Variants in GALNTL6 observed in about 807,000 individuals in gnomAD.
The protein encoded by GALNTL6 is polypeptide N-acetylgalactosaminyltransferase like 6, also known as polypeptide N-acetylgalactosaminyltransferase-like 6.
In GALNTL6, 46 loss-of-function variants were observed where a neutral mutation model predicts 73.7. That is an observed-to-expected ratio of 0.62 (90% CI 0.49 to 0.80). GALNTL6 has a LOEUF of 0.80. GALNTL6 is among the 30% of genes least tolerant of loss of function. GALNTL6 has a pLI of 0.00. For synonymous variants in GALNTL6, 259 were observed against 263.7 expected (o/e 0.98, Z 0.17); for missense variants, 604 against 755.0 (o/e 0.80, Z 2.34).
chr4:172,215,042 A>G (rs568588102), intron 2 of GALNTL6, among the ~76,000 whole-genome samples: 114 of 147,548 alleles, frequency 7.7e-4, no homozygotes, highest in African/African-American at 2.7e-3. Context: ...GAAATGTGTT[A>G]TATAATCTCC....
At chr4:172,364,460 T>G (rs545769700) in intron 5 of GALNTL6, among the ~76,000 whole-genome samples, 74 of 152,212 alleles carry the variant, frequency 4.9e-4, no homozygotes, top group African/African-American at 1.7e-3. Context: ...CATCAGAACC[T>G]ATCTAGCACC....
intron 2 of GALNTL6, among the ~76,000 whole-genome samples, chr4:172,026,248 C>G (rs867898660): frequency 1.3e-5 from 2 of 152,020 alleles, no homozygotes; most frequent in South Asian, 4.1e-4. Flanking sequence ...TATTTTTATG[C>G]TATTCTAGTT....
chr4:172,177,791 A>ATATATATACACACATATATGTGTGTG (rs1735075092), intron 2 of GALNTL6, among the ~76,000 whole-genome samples: 6 of 101,730 alleles, frequency 5.9e-5, no homozygotes, highest in East Asian at 3.9e-4. Context: ...ACACATGTGT[A>ATATATATACACACATATATGTGTGTG]TATATATACA....
At chr4:172,411,831 T>G (rs1255004154) in intron 5 of GALNTL6, among the ~76,000 whole-genome samples, 1 of 152,092 alleles carries the variant, frequency 6.6e-6, no homozygotes. Context: ...GCCAGTTGCT[T>G]TATAGGCCCT....
intron 3 of GALNTL6, among the ~76,000 whole-genome samples, chr4:172,285,888 CA>C (rs1579333516): frequency 1.3e-5 from 2 of 152,298 alleles, no homozygotes; most frequent in East Asian, 3.9e-4. Context: ...TTGCCTTTAA[CA>C]TTTGTCAAAG....
In GALNTL6 at chr4:171,814,680, A is replaced by G. The variant is rs767600324; in HGVS notation, c.100A>G (p.Lys34Glu). The G allele has an allele frequency of 6.2e-7, 1 of 1,614,098 alleles. No homozygotes were observed. The highest frequency in any genetic ancestry group is 8.5e-7 in the Non-Finnish European group (1 of 1,180,004). The stretch of plus-strand genomic sequence containing the variant: ...TGGTCTCTGGTCTCTGTACAAGGAT[A>G]AGCACCTGGTGAAGTCAGCGGAGCC... ...NVGLWSLYKD[K>E]HLVKSAEPGE... The change falls in exon 2 of 13, where the codon AAG (lysine) becomes GAG (glutamate). Residue 34 changes from lysine to glutamate, a missense_variant. By Grantham distance (56) the Lys-to-Glu change is moderately conservative. Coordinates refer to ENST00000506823, the MANE Select transcript of GALNTL6 (RefSeq NM_001034845.3).
intron 7 of GALNTL6, among the ~76,000 whole-genome samples, chr4:172,824,604 T>C (rs763173415): frequency 5.9e-4 from 90 of 152,082 alleles, no homozygotes; most frequent in Non-Finnish European, 9.1e-4. Flanking sequence ...TGGATACATA[T>C]AAATAATAGG....
At chr4:172,752,913 GAGATGATATA>G (rs1737511506) in intron 5 of GALNTL6, among the ~76,000 whole-genome samples, 1 of 152,004 alleles carries the variant, frequency 6.6e-6, no homozygotes, top group South Asian at 2.1e-4. Flanking sequence ...TTTCAAAACT[GAGATGATATA>G]CTCAATTTAG....
intron 4 of GALNTL6, 51 bp downstream of exon 4, chr4:172,311,803 T>C (rs1740373636): frequency 7.6e-7 from 1 of 1,320,384 alleles, no homozygotes; most frequent in Non-Finnish European, 1.0e-6. Context: ...GTTTTTTTTG[T>C]CCTTTGATTT....
intron 5 of GALNTL6, among the ~76,000 whole-genome samples, chr4:172,360,471 A>G (rs940901455): frequency 2.1e-5 from 3 of 143,502 alleles, no homozygotes; most frequent in Non-Finnish European, 4.5e-5. Flanking sequence ...TACATAAAAA[A>G]TGTTAAAAGA....
intron 5 of GALNTL6, among the ~76,000 whole-genome samples, chr4:172,771,727 T>C (rs563439385): frequency 1.3e-4 from 20 of 152,322 alleles, no homozygotes; most frequent in African/African-American, 4.8e-4. Flanking sequence ...TTCTGGGCCC[T>C]TCCCAGACCT....
intron 5 of GALNTL6, among the ~76,000 whole-genome samples, chr4:172,417,330 T>C (rs1730881666): frequency 6.6e-6 from 1 of 152,206 alleles, no homozygotes; most frequent in African/African-American, 2.4e-5. Context: ...ATGCACAGAA[T>C]TCAAGCCTAA....
chr4:172,454,552 T>C (rs1732323118), intron 5 of GALNTL6, among the ~76,000 whole-genome samples: 1 of 152,256 alleles, frequency 6.6e-6, no homozygotes, highest in Non-Finnish European at 1.5e-5. Context: ...ATCCATCTCC[T>C]GTACTTGCAG....
intron 5 of GALNTL6, among the ~76,000 whole-genome samples, chr4:172,659,149 T>C (rs916741171): frequency 6.6e-5 from 10 of 152,228 alleles, no homozygotes; most frequent in African/African-American, 2.4e-4. Context: ...AGGCATAAGT[T>C]TCACAGAGAG....
chr4:172,721,819 TTA>T (rs1197224741), intron 5 of GALNTL6, among the ~76,000 whole-genome samples: 1 of 152,154 alleles, frequency 6.6e-6, no homozygotes, highest in African/African-American at 2.4e-5. Flanking sequence ...CTACTTCTCG[TTA>T]TGTCTAATCA....
rs1407784083 is a variant in GALNTL6, at chr4:172,451,825, G to A, written c.553+103136G>A. 2.0e-5 allele frequency among the ~76,000 whole-genome samples: 3 copies of A among 152,046 alleles called. No individual in the cohort carries two copies. In the East Asian group the frequency reaches 5.8e-4, roughly 29 times the overall value. On this transcript the variant is annotated intron_variant, in intron 5 of 12. Transcript: ENST00000506823. ...GTTCAAGACCAGCCTGGGAAACATG[G>A]AGAGACCCAGTCTCTATAAAAATGA... is the stretch of plus-strand genomic sequence containing the variant.
intron 2 of GALNTL6, among the ~76,000 whole-genome samples, chr4:171,916,675 G>A (rs945154635): frequency 6.6e-6 from 1 of 152,022 alleles, no homozygotes; most frequent in Non-Finnish European, 1.5e-5. Context: ...TATGTATTTT[G>A]AATGCATTTC....
chr4:172,046,332 T>G (rs918920357), intron 2 of GALNTL6, among the ~76,000 whole-genome samples: 4 of 152,136 alleles, frequency 2.6e-5, no homozygotes, highest in African/African-American at 9.7e-5. Flanking sequence ...TACTTTAAGT[T>G]CTGGGGTACA....
chr4:171,843,309 T>C (rs1429180152), intron 2 of GALNTL6, among the ~76,000 whole-genome samples: 1 of 151,950 alleles, frequency 6.6e-6, no homozygotes, highest in Non-Finnish European at 1.5e-5. Flanking sequence ...ACAATTCACA[T>C]AAAAATAATG....
Sources: gnomAD v4.1 joint callset for allele counts (sites outside exome capture counted in the v4.1 genomes callset) on GRCh38, gnomAD v4.1.1 for gene constraint, MANE v1.5 for transcripts, NCBI Gene and HGNC (gene_info 2026-07-23, HGNC 2026-07-21) for gene names.